SBF2: variants seen among roughly 807,000 people sequenced by gnomAD.
SBF2 encodes the protein SET binding factor 2.
A neutral mutation model predicts 225.2 loss-of-function variants in SBF2; 112 were observed. That is an observed-to-expected ratio of 0.50 (90% CI 0.43 to 0.58). The LOEUF is 0.58. SBF2 is among the 20% of genes least tolerant of loss of function. SBF2 has a pLI of 0.00. For missense variants in SBF2, 1,996 were observed against 2,206.2 expected (o/e 0.90, Z 1.91); for synonymous variants, 763 against 773.3 (o/e 0.99, Z 0.22).
At chr11:10,063,858 C>CACACACACAGAGAGAGAGAGAGAG (rs373423157) in intron 2 of SBF2, among the ~76,000 whole-genome samples, 4 of 136,172 alleles carry the variant, frequency 2.9e-5, no homozygotes, top group South Asian at 2.4e-4. Context: ...CACACACACA[C>CACACACACAGAGAGAGAGAGAGAG]AGAGAGAGAG....
At chr11:9,788,369 G>A (rs1473228868) in intron 35 of SBF2, among the ~76,000 whole-genome samples, 2 of 152,112 alleles carry the variant, frequency 1.3e-5, no homozygotes, top group Non-Finnish European at 2.9e-5. Context: ...CTACTGCCAG[G>A]AGGGGTTGGT....
intron 17 of SBF2, among the ~76,000 whole-genome samples, chr11:9,890,584 T>C (rs10840316): frequency 0.36 from 54,364 of 152,048 alleles, 10,370 homozygotes; most frequent in African/African-American, 0.49. Context: ...TTCAGGATGA[T>C]TGCACTTAAG....
At chr11:9,915,856 G>C (rs1380277841) in intron 16 of SBF2, among the ~76,000 whole-genome samples, 2 of 152,126 alleles carry the variant, frequency 1.3e-5, no homozygotes, top group Non-Finnish European at 2.9e-5. Context: ...TAAGGTCCAA[G>C]AGTTCGAGAC....
At chr11:10,017,416 G>GT (rs1219507888) in intron 6 of SBF2, among the ~76,000 whole-genome samples, 1 of 152,142 alleles carries the variant, frequency 6.6e-6, no homozygotes, top group Non-Finnish European at 1.5e-5. Flanking sequence ...ACAGCTTAAT[G>GT]TAAGTCATGA....
chr11:10,078,370 G>C (rs1212944943), intron 2 of SBF2, among the ~76,000 whole-genome samples: 1 of 152,136 alleles, frequency 6.6e-6, no homozygotes, highest in African/African-American at 2.4e-5. Flanking sequence ...CAAAGACTTG[G>C]AACCAACCCA....
At chr11:10,274,104 T>G (rs11042714) in intron 1 of SBF2, among the ~76,000 whole-genome samples, 69,865 of 152,040 alleles carry the variant, frequency 0.46, 16,905 homozygotes, top group Non-Finnish European at 0.54. Flanking sequence ...CAAATAAAAG[T>G]ATGAATGATT....
intron 30 of SBF2, among the ~76,000 whole-genome samples, chr11:9,812,207 CAG>C (rs1489587618): frequency 6.6e-6 from 1 of 152,094 alleles, no homozygotes; most frequent in African/African-American, 2.4e-5. Context: ...GTATTGACAA[CAG>C]AGCAGGAGCC....
intron 13 of SBF2, among the ~76,000 whole-genome samples, chr11:9,974,230 T>C (rs766771825): frequency 6.6e-6 from 1 of 152,196 alleles, no homozygotes; most frequent in Non-Finnish European, 1.5e-5. Context: ...TTTGATATGC[T>C]GGTTGCCCTA....
At chr11:10,123,408 G>C (rs1953575197) in intron 2 of SBF2, among the ~76,000 whole-genome samples, 1 of 151,858 alleles carries the variant, frequency 6.6e-6, no homozygotes, top group Admixed American at 6.6e-5. Context: ...AACATTACTA[G>C]GAAAAACTGA....
chr11:9,992,681 T>A, intron 11 of SBF2, 138 bp from the exon 12 acceptor site: 2 of 825,050 alleles, frequency 2.4e-6, no homozygotes, highest in Non-Finnish European at 3.7e-6. Context: ...AATATATTTC[T>A]CTCAAAGAGA....
chr11:9,902,788 T>C (rs1861818829), intron 16 of SBF2, among the ~76,000 whole-genome samples: 1 of 152,176 alleles, frequency 6.6e-6, no homozygotes, highest in Admixed American at 6.5e-5. Context: ...AACTAAACTA[T>C]ACAACCATGG....
At chr11:9,786,192 G>A (rs1852361839) in intron 36 of SBF2, among the ~76,000 whole-genome samples, 1 of 152,126 alleles carries the variant, frequency 6.6e-6, no homozygotes. Context: ...ACAGTTGGAA[G>A]GACACGTATG....
chr11:10,155,095 T>C (rs1288540766), intron 2 of SBF2, among the ~76,000 whole-genome samples: 2 of 152,172 alleles, frequency 1.3e-5, no homozygotes, highest in Non-Finnish European at 2.9e-5. Context: ...TTATTAATTA[T>C]AAAACAAATA....
intron 33 of SBF2, among the ~76,000 whole-genome samples, chr11:9,794,755 A>G (rs1055952364): frequency 6.7e-6 from 1 of 149,840 alleles, no homozygotes; most frequent in South Asian, 2.1e-4. Flanking sequence ...TACCTTCCCA[A>G]TAAGCAGTAT....
chr11:10,166,837 C>G (rs1955974923), intron 2 of SBF2, among the ~76,000 whole-genome samples: 1 of 152,068 alleles, frequency 6.6e-6, no homozygotes, highest in Admixed American at 6.6e-5. Flanking sequence ...TGGCGCATGC[C>G]TGTAGTCCCA....
intron 9 of SBF2, 41 bp downstream of exon 9, chr11:9,998,225 T>A: frequency 1.7e-6 from 2 of 1,181,226 alleles, no homozygotes; most frequent in Non-Finnish European, 2.5e-6. Flanking sequence ...AGCTTCAGAT[T>A]TAAATAAAGA....
chr11:9,887,164 A>T (rs1289561533), intron 17 of SBF2, among the ~76,000 whole-genome samples: 1 of 151,974 alleles, frequency 6.6e-6, no homozygotes, highest in Non-Finnish European at 1.5e-5. Context: ...GAAAAAAGTT[A>T]ATTATCATTC....
At chr11:10,249,316 C>G (rs1960113526) in intron 1 of SBF2, among the ~76,000 whole-genome samples, 1 of 152,084 alleles carries the variant, frequency 6.6e-6, no homozygotes, top group Admixed American at 6.5e-5. Context: ...ACAGATTTGT[C>G]TAATGAGGCT....
At chr11:9,781,134 G>A (rs563630665) in intron 39 of SBF2, among the ~76,000 whole-genome samples, 1 of 152,362 alleles carries the variant, frequency 6.6e-6, no homozygotes, top group African/African-American at 2.4e-5. Flanking sequence ...TATCATGTGT[G>A]ACTAAGGACA....
Sources: allele counts gnomAD v4.1 joint callset (sites outside exome capture counted in the v4.1 genomes callset), GRCh38; gene constraint gnomAD v4.1.1; transcripts MANE v1.5; gene names NCBI Gene and HGNC (gene_info 2026-07-23, HGNC 2026-07-21).